The following PHLDB2 variants were observed in gnomAD, a reference collection of about 807,000 sequenced individuals.
The protein encoded by PHLDB2 is pleckstrin homology-like domain family B member 2.
A neutral mutation model predicts 123.6 loss-of-function variants in PHLDB2; 71 were observed. The ratio of observed to expected loss-of-function variants is 0.57; its 90% CI spans 0.47 to 0.70. The LOEUF is 0.70. PHLDB2 is among the 30% of genes least tolerant of loss of function. PHLDB2 has a pLI of 0.00. For synonymous variants in PHLDB2, 547 were observed against 541.6 expected (o/e 1.01, Z -0.14); for missense variants, 1,446 against 1,519.5 (o/e 0.95, Z 0.80).
At chr3:111,783,386 G>A (rs6782513) in intron 1 of PHLDB2, among the ~76,000 whole-genome samples, 40,711 of 151,864 alleles carry the variant, frequency 0.27, 6,911 homozygotes, top group African/African-American at 0.48. Context: ...GTAGTGGCAC[G>A]TTCTTTAAAA....
At chr3:111,864,202 A>G (rs532376891) in intron 1 of PHLDB2, among the ~76,000 whole-genome samples, 1 of 152,296 alleles carries the variant, frequency 6.6e-6, no homozygotes, top group South Asian at 2.1e-4. Flanking sequence ...ACTATGCAAA[A>G]GGGGTGTAGC....
rs141282653 is a variant in PHLDB2 at position 111,860,733 on chromosome 3, C to T, written c.-15+1157C>T. On this transcript the variant is annotated intron_variant, in intron 1 of 17. Transcript: ENST00000431670. ...AAACTACCCGTGGCTGGAAATCCTCCGGGCGCCTGGCCCTGCCCTCTTCCC... is the reference window on the plus strand; with the variant it reads ...AAACTACCCGTGGCTGGAAATCCTCTGGGCGCCTGGCCCTGCCCTCTTCCC... 9.3e-4 allele frequency among the ~76,000 whole-genome samples: 141 copies of T among 152,294 alleles called. 1 individual carries two copies. The East Asian group carries it at 0.026, about 28-fold the overall frequency.
chr3:111,970,571 A>G (rs2072105115), intron 16 of PHLDB2, among the ~76,000 whole-genome samples: 1 of 152,238 alleles, frequency 6.6e-6, no homozygotes, highest in Non-Finnish European at 1.5e-5. Context: ...ATATTTTTGG[A>G]TTCTTAAATG....
At chr3:111,911,192 C>G (rs1417719348) in intron 2 of PHLDB2, among the ~76,000 whole-genome samples, 1 of 152,204 alleles carries the variant, frequency 6.6e-6, no homozygotes, top group Non-Finnish European at 1.5e-5. Context: ...TGCTTTTGAA[C>G]ACCACACCTT....
intron 1 of PHLDB2, among the ~76,000 whole-genome samples, chr3:111,780,795 C>G (rs1042864743): frequency 5.9e-5 from 9 of 152,002 alleles, no homozygotes; most frequent in African/African-American, 2.2e-4. Context: ...TCAATAGCAG[C>G]AGAAGGAAAG....
chr3:111,774,829 G>A (rs145113454), intron 1 of PHLDB2, among the ~76,000 whole-genome samples: 316 of 152,130 alleles, frequency 2.1e-3, no homozygotes, highest in African/African-American at 7.2e-3. Context: ...TCCACAGCTC[G>A]GGTGTGGTTT....
upstream of PHLDB2, chr3:111,859,238 T>C (rs1576911708): frequency 2.0e-6 from 2 of 983,044 alleles, no homozygotes; most frequent in South Asian, 9.4e-5. Flanking sequence ...TTTCAGCTCT[T>C]AAAAAAAGCC....
At position 111,949,069 on chromosome 3, in the gene PHLDB2, T is replaced by G; in HGVS notation, c.2625T>G (p.Ser875Arg). ...CTGTGCTGGCGAGCCAGCCACAGAG[T>G]AAAGAGGTGTGTAGGCATGACGTTT... Reference protein sequence around the residue: ...ATAVLASQPQSKEHFRSLEER... With the variant: ...ATAVLASQPQRKEHFRSLEER... Residue 875 changes from serine (S) to arginine (R), a missense_variant, in exon 10 of 18, where the codon AGT (serine) becomes AGG (arginine). Ser to Arg is a moderately radical substitution (Grantham distance 110, BLOSUM62 -1). Transcript: ENST00000431670. 1 of 1,613,612 alleles carries G rather than the reference T, an allele frequency of 6.2e-7. No homozygotes were observed. Among genetic ancestry groups the G allele is most frequent in the African/African-American group, 1.3e-5 (1 of 74,984 alleles).
chr3:111,759,407 G>A (rs1006841474), intron 1 of PHLDB2, among the ~76,000 whole-genome samples: 3 of 152,150 alleles, frequency 2.0e-5, no homozygotes, highest in Non-Finnish European at 4.4e-5. Context: ...TTACCCAAAG[G>A]CTCCTTCTCC....
In PHLDB2 at chr3:111,832,748, A is replaced by C. The variant is rs1379045632; in HGVS notation, c.-48-13073A>C. On this transcript the variant is annotated intron_variant, in intron 1 of 17. Coordinates refer to the PHLDB2 transcript ENST00000393923. The stretch of plus-strand genomic sequence containing the variant: ...ATAGAATTATACATATAATATATAT[A>C]ATAGAATTATACATATAATATATAT... 1.1e-4 allele frequency among the ~76,000 whole-genome samples: 4 copies of C among 35,760 alleles called. 1 individual carries two copies. Among genetic ancestry groups the C allele is most frequent in the Non-Finnish European group, 1.6e-4 (4 of 24,554 alleles). 23.5% of individuals were successfully genotyped at this position (35,760 alleles called of 152,430 possible). A position where few individuals can be genotyped will look rare whatever the true frequency, so the allele number is the denominator to read the frequency against.
intron 16 of PHLDB2, among the ~76,000 whole-genome samples, chr3:111,973,287 T>C (rs1429649565): frequency 1.3e-5 from 2 of 152,274 alleles, no homozygotes; most frequent in East Asian, 1.9e-4. Flanking sequence ...GAAATAAATA[T>C]GGGTAGAAAA....
At chr3:111,947,207 C>T (rs762680349) in intron 9 of PHLDB2, among the ~76,000 whole-genome samples, 5 of 152,168 alleles carry the variant, frequency 3.3e-5, no homozygotes, top group African/African-American at 9.7e-5. Context: ...AAAGTCTTTT[C>T]GTCTCCTAAT....
intron 13 of PHLDB2, among the ~76,000 whole-genome samples, chr3:111,964,952 C>T (rs774863): frequency 0.41 from 61,606 of 151,904 alleles, 13,258 homozygotes; most frequent in African/African-American, 0.47. Context: ...ATAAAACATA[C>T]ATATTTGATG....
chr3:111,974,350 C>A, intron 17 of PHLDB2, 73 bp from the exon 18 acceptor site: 1 of 1,347,178 alleles, frequency 7.4e-7, no homozygotes, highest in Non-Finnish European at 9.9e-7. Flanking sequence ...AAGAAGTCAT[C>A]ACATGTCTGT....
intron 1 of PHLDB2, among the ~76,000 whole-genome samples, chr3:111,785,069 G>C (rs543204235): frequency 2.6e-5 from 4 of 152,102 alleles, no homozygotes; most frequent in Non-Finnish European, 5.9e-5. Flanking sequence ...AGTTCCATCA[G>C]CTGTGTGTGA....
intron 1 of PHLDB2, among the ~76,000 whole-genome samples, chr3:111,785,825 A>G (rs1559830297): frequency 1.3e-5 from 2 of 152,134 alleles, no homozygotes; most frequent in African/African-American, 4.8e-5. Context: ...GGCAACCAGA[A>G]TGGTGGTGGT....
intron 1 of PHLDB2, among the ~76,000 whole-genome samples, chr3:111,740,814 A>C (rs1471593164): frequency 1.3e-5 from 2 of 152,096 alleles, no homozygotes; most frequent in Non-Finnish European, 2.9e-5. Context: ...AGAGAATCAG[A>C]ACAGCCCATG....
chr3:111,884,730 C>G lies in PHLDB2; in HGVS notation c.653C>G (p.Ala218Gly). Residue 218 changes from alanine (A) to glycine (G), a missense_variant, in exon 2 of 18, where the codon GCG (alanine) becomes GGG (glycine). By Grantham distance (60) the Ala-to-Gly change is moderately conservative (BLOSUM62 0). Transcript: ENST00000431670. ...AAAATGAGCATTCAGGACAGCCTGG[C>G]GCTTCAACCCAAGTTAACTAGACAC... is the stretch of plus-strand genomic sequence containing the variant. Reference protein sequence around the residue: ...ARKMSIQDSLALQPKLTRHKE... With the variant: ...ARKMSIQDSLGLQPKLTRHKE... 6.2e-7 allele frequency: 1 copy of G among 1,614,032 alleles called. No homozygotes were observed. The highest frequency in any genetic ancestry group is 8.5e-7 in the Non-Finnish European group (1 of 1,180,004).
chr3:111,873,626 C>T (rs1161590996), intron 1 of PHLDB2, among the ~76,000 whole-genome samples: 1 of 152,128 alleles, frequency 6.6e-6, no homozygotes, highest in African/African-American at 2.4e-5. Flanking sequence ...TTTTATTCTG[C>T]TTAGTGACAT....
Sources: allele counts gnomAD v4.1 joint callset (sites outside exome capture counted in the v4.1 genomes callset), GRCh38; gene constraint gnomAD v4.1.1; transcripts MANE v1.5; gene names NCBI Gene and HGNC (gene_info 2026-07-23, HGNC 2026-07-21).